Variants in RNF180 observed in about 807,000 individuals in gnomAD.
RNF180 encodes the protein ring finger protein 180, also known as E3 ubiquitin-protein ligase RNF180.
In RNF180, 38 loss-of-function variants were observed where a neutral mutation model predicts 59.2. The ratio of observed to expected loss-of-function variants is 0.64; its 90% confidence interval spans 0.50 to 0.84. The LOEUF (loss-of-function observed/expected upper bound fraction) is 0.84, where lower values mean the gene tolerates loss of function less well. Among genes scored for constraint, RNF180 ranks in the 40% least tolerant of loss-of-function variants. The probability of loss-of-function intolerance (pLI) is 0.00; values close to 1 mark genes in which losing one functional copy is unlikely to be tolerated. For missense variants in RNF180, 705 were observed against 700.9 expected (o/e 1.01, Z -0.07); for synonymous variants, 262 against 240.3 (o/e 1.09, Z -0.84).
intron 5 of RNF180, among the ~76,000 whole-genome samples, chr5:64,237,111 C>T (rs546347401): frequency 4.6e-5 from 7 of 152,274 alleles, no homozygotes; most frequent in Non-Finnish European, 1.0e-4. Context: ...CCCCAGAATG[C>T]TAGATCCACT....
At chr5:64,350,187 T>C (rs12519423) in intron 7 of RNF180, among the ~76,000 whole-genome samples, 13,501 of 152,246 alleles carry the variant, frequency 0.089, 750 homozygotes, top group South Asian at 0.17. Context: ...CATTTTTTCA[T>C]GTGTCTTTTG....
intron 7 of RNF180, among the ~76,000 whole-genome samples, chr5:64,346,359 C>CTTTTTTTTTTTTTTTTTTTTTTT (rs1162054033): frequency 4.9e-4 from 21 of 42,954 alleles, no homozygotes; most frequent in East Asian, 7.7e-4. Context: ...TTCTTTTCTT[C>CTTTTTTTTTTTTTTTTTTTTTTT]TTTTTTTTTT....
intron 5 of RNF180, among the ~76,000 whole-genome samples, chr5:64,318,286 T>C (rs142669344): frequency 1.0e-3 from 157 of 152,282 alleles, no homozygotes; most frequent in African/African-American, 3.6e-3. Context: ...AATATTTTAT[T>C]ATACCATACT....
chr5:64,200,729 C>A, intron 1 of RNF180, 79 bp from the exon 2 acceptor site: 1 of 1,219,950 alleles, frequency 8.2e-7, no homozygotes. Flanking sequence ...CCACTTGTAG[C>A]TAATGCCATG....
intron 5 of RNF180, among the ~76,000 whole-genome samples, chr5:64,271,288 G>T (rs981103540): frequency 2.0e-5 from 3 of 151,956 alleles, no homozygotes; most frequent in African/African-American, 7.2e-5. Flanking sequence ...CTTTAATGTG[G>T]AACATTTGAC....
At chr5:64,244,629 T>G (rs1278036637) in intron 5 of RNF180, among the ~76,000 whole-genome samples, 1 of 152,198 alleles carries the variant, frequency 6.6e-6, no homozygotes, top group Non-Finnish European at 1.5e-5. Context: ...TACCTGAAAG[T>G]GACGGGGAGA....
intron 5 of RNF180, among the ~76,000 whole-genome samples, chr5:64,252,153 A>C (rs1055370350): frequency 6.6e-6 from 1 of 152,196 alleles, no homozygotes; most frequent in African/African-American, 2.4e-5. Context: ...AGCAACCAAA[A>C]CCACATAGTA....
intron 5 of RNF180, among the ~76,000 whole-genome samples, chr5:64,237,134 C>G (rs891917005): frequency 6.6e-6 from 1 of 152,192 alleles, no homozygotes; most frequent in Non-Finnish European, 1.5e-5. Context: ...CAGCTTGCAC[C>G]TTGAGCTTGG....
At chr5:64,274,177 T>A (rs544167862) in intron 5 of RNF180, among the ~76,000 whole-genome samples, 16 of 152,172 alleles carry the variant, frequency 1.1e-4, no homozygotes, top group African/African-American at 3.9e-4. Flanking sequence ...AATCATTCCA[T>A]ACATTTTTTT....
chr5:64,259,602 T>G (rs1744192445), intron 5 of RNF180, among the ~76,000 whole-genome samples: 2 of 152,144 alleles, frequency 1.3e-5, no homozygotes, highest in Admixed American at 1.3e-4. Context: ...GCATTTTGTT[T>G]TATGATTATA....
In RNF180 at chr5:64,279,344, TAGAC is replaced by T. The variant is rs997917194; in HGVS notation, c.1228-45838_1228-45835del. ...TTTAATAGTGGGTACTGGGAAAGAA[TAGAC>T]AGAAGTGATCAGGAACTCTACTCTG... On this transcript the variant is annotated intron_variant, in intron 5 of 7. Coordinates refer to ENST00000389100, the MANE Select transcript of RNF180 (RefSeq NM_001113561.2). Among the ~76,000 whole-genome samples the T allele has an allele frequency of 9.9e-5, 15 of 152,226 alleles. 2 individuals carry two copies. The highest frequency in any genetic ancestry group is 3.6e-4 in the African/African-American group (15 of 41,554).
chr5:64,291,190 T>TGA (rs2112423907), intron 5 of RNF180, among the ~76,000 whole-genome samples: 1 of 152,312 alleles, frequency 6.6e-6, no homozygotes, highest in African/African-American at 2.4e-5. Context: ...GAGTTTCCAC[T>TGA]GAAGGGTCTG....
intron 7 of RNF180, among the ~76,000 whole-genome samples, chr5:64,332,747 A>ACT (rs1321367554): frequency 6.6e-6 from 1 of 152,228 alleles, no homozygotes; most frequent in African/African-American, 2.4e-5. Flanking sequence ...AGCATGAACT[A>ACT]CTGTGCAGTT....
intron 1 of RNF180, 72 bp from the exon 2 acceptor site, chr5:64,200,736 C>T (rs1751698982): frequency 1.6e-6 from 2 of 1,285,768 alleles, no homozygotes; most frequent in Non-Finnish European, 2.2e-6. Context: ...TAGCTAATGC[C>T]ATGTTAAGGA....
In RNF180 at chr5:64,194,693, C is replaced by T. The variant is rs147168673; in HGVS notation, c.1-6115C>T. Reference sequence around the variant, plus strand: ...TGTTTCCTGACTTTTTAATGATCACCATTCAAACTGGTGTGAGATGGTATC... The same window carrying T: ...TGTTTCCTGACTTTTTAATGATCACTATTCAAACTGGTGTGAGATGGTATC... On this transcript the variant is annotated intron_variant, in intron 1 of 7. Transcript: ENST00000389100. Among the ~76,000 whole-genome samples, 1,324 of 152,290 alleles carry T rather than the reference C, an allele frequency of 8.7e-3. 15 individuals carry two copies. The highest frequency in any genetic ancestry group is 0.031 in the Middle Eastern group (9 of 294).
chr5:64,344,578 T>C (rs766320216), intron 7 of RNF180, among the ~76,000 whole-genome samples: 8 of 151,900 alleles, frequency 5.3e-5, no homozygotes, highest in Non-Finnish European at 7.4e-5. Context: ...CTGTGAAAAA[T>C]AGTGGCTAAT....
intron 5 of RNF180, among the ~76,000 whole-genome samples, chr5:64,266,500 C>A (rs1245242579): frequency 2.0e-5 from 3 of 151,890 alleles, no homozygotes; most frequent in Admixed American, 2.0e-4. Flanking sequence ...AGGGAATGAC[C>A]CCAGAATATT....
chr5:64,232,929 A>G (rs938015589), intron 5 of RNF180, among the ~76,000 whole-genome samples: 1 of 152,180 alleles, frequency 6.6e-6, no homozygotes, highest in Non-Finnish European at 1.5e-5. Context: ...TTGAAATCAA[A>G]CCTTGGCCAT....
At chr5:64,226,326 C>A (rs575697674) in intron 5 of RNF180, among the ~76,000 whole-genome samples, 99 of 152,312 alleles carry the variant, frequency 6.5e-4, no homozygotes, top group African/African-American at 1.9e-3. Flanking sequence ...AAGAAAAATT[C>A]TTCTGCCTTG....
Sources: allele counts gnomAD v4.1 joint callset (sites outside exome capture counted in the v4.1 genomes callset), GRCh38; gene constraint gnomAD v4.1.1; transcripts MANE v1.5; gene names NCBI Gene and HGNC (gene_info 2026-07-23, HGNC 2026-07-21).